Variants in MARCHF1 observed in about 807,000 individuals in gnomAD.
MARCHF1 encodes E3 ubiquitin-protein ligase MARCHF1.
Under a neutral mutation model 54.2 loss-of-function variants are expected in MARCHF1, and 40 were observed. The ratio of observed to expected loss-of-function variants is 0.74; its 90% CI spans 0.57 to 0.96. The LOEUF is 0.96. MARCHF1 is among the 40% of genes least tolerant of loss of function. The pLI is 0.00. For missense variants in MARCHF1, 586 were observed against 656.5 expected (o/e 0.89, Z 1.17); for synonymous variants, 236 against 236.3 (o/e 1.00, Z 0.01).
intron 1 of MARCHF1, among the ~76,000 whole-genome samples, chr4:164,350,900 G>C (rs1033761502): frequency 6.6e-6 from 1 of 152,060 alleles, no homozygotes; most frequent in South Asian, 2.1e-4. Flanking sequence ...AGGCGAGTGG[G>C]TGCGTGCACC....
At chr4:164,306,512 A>G (rs976509216) in intron 1 of MARCHF1, among the ~76,000 whole-genome samples, 1 of 152,134 alleles carries the variant, frequency 6.6e-6, no homozygotes, top group Non-Finnish European at 1.5e-5. Context: ...TCACTGCAGT[A>G]AAACGATTTG....
intron 5 of MARCHF1, among the ~76,000 whole-genome samples, chr4:163,683,040 A>G (rs1395270659): frequency 6.6e-6 from 1 of 152,206 alleles, no homozygotes; most frequent in African/African-American, 2.4e-5. Flanking sequence ...AAATAGAAGT[A>G]TAATATCTTG....
At chr4:164,325,753 C>A (rs1278800896) in intron 1 of MARCHF1, among the ~76,000 whole-genome samples, 1 of 151,700 alleles carries the variant, frequency 6.6e-6, no homozygotes, top group Non-Finnish European at 1.5e-5. Flanking sequence ...AAAAAGACCT[C>A]AGTGCTCAAG....
chr4:163,524,539 T>C (rs1393348309), downstream of MARCHF1: 3 of 152,188 alleles, frequency 2.0e-5, no homozygotes, highest in Non-Finnish European at 4.4e-5. Context: ...TTTATTTTCA[T>C]TGGTTTCCCT....
At chr4:164,150,549 G>T (rs1490968628) in intron 1 of MARCHF1, among the ~76,000 whole-genome samples, 1 of 152,090 alleles carries the variant, frequency 6.6e-6, no homozygotes, top group East Asian at 1.9e-4. Context: ...CCCTACTCTG[G>T]TGGTCTTGAG....
chr4:163,781,961 G>C (rs1338990469), intron 4 of MARCHF1, among the ~76,000 whole-genome samples: 1 of 152,092 alleles, frequency 6.6e-6, no homozygotes, highest in Non-Finnish European at 1.5e-5. Context: ...CATAGGTGAA[G>C]TCAGATAAGG....
intron 1 of MARCHF1, among the ~76,000 whole-genome samples, chr4:164,116,431 T>G (rs1443814202): frequency 6.6e-6 from 1 of 152,158 alleles, no homozygotes; most frequent in Non-Finnish European, 1.5e-5. Context: ...CATTTGCATG[T>G]ATTTATGTGC....
chr4:164,350,804 G>T (rs368653581), intron 1 of MARCHF1, among the ~76,000 whole-genome samples: 3 of 152,236 alleles, frequency 2.0e-5, no homozygotes, highest in South Asian at 2.1e-4. Context: ...AGCTCCCAGC[G>T]TGAGCGACGC....
intron 7 of MARCHF1, among the ~76,000 whole-genome samples, chr4:163,606,030 A>G (rs1404041493): frequency 1.3e-5 from 2 of 152,168 alleles, no homozygotes; most frequent in Non-Finnish European, 2.9e-5. Flanking sequence ...CGTTCTGCAC[A>G]TGCATCCCAG....
intron 4 of MARCHF1, among the ~76,000 whole-genome samples, chr4:163,716,978 A>T (rs1745280181): frequency 6.6e-6 from 1 of 152,126 alleles, no homozygotes; most frequent in African/African-American, 2.4e-5. Context: ...ATCTACACAT[A>T]CACATTTATT....
chr4:163,790,287 A>C lies in MARCHF1; in HGVS notation c.111+63734T>G, dbSNP rs566982272. On this transcript the variant is annotated intron_variant, in intron 4 of 9. Transcript: ENST00000514618. ...AGTCACGTAAGCCTTTTTTGTTGTT[A>C]TTTACGAAATCAAATGTCCTTAGCC... Among the ~76,000 whole-genome samples the C allele has an allele frequency of 9.2e-5, 14 of 152,130 alleles. No homozygotes were observed. In the South Asian group the frequency reaches 1.0e-3, roughly 11 times the overall value.
chr4:163,550,653 G>A (rs1164145151), intron 8 of MARCHF1, among the ~76,000 whole-genome samples: 2 of 152,104 alleles, frequency 1.3e-5, no homozygotes, highest in African/African-American at 2.4e-5. Flanking sequence ...TGCTGCAGAC[G>A]AGCGAAAATA....
chr4:163,954,076 G>A (rs1001268191), intron 3 of MARCHF1, among the ~76,000 whole-genome samples: 3 of 152,164 alleles, frequency 2.0e-5, no homozygotes, highest in African/African-American at 4.8e-5. Context: ...GTTGTGTACA[G>A]TAAGCTCAGA....
At chr4:164,188,728 C>A in intron 1 of MARCHF1, 1 of 1,037,900 alleles carries the variant, frequency 9.6e-7, no homozygotes, top group Non-Finnish European at 1.5e-6. Flanking sequence ...TCTTGCGGTT[C>A]AAGGTAGTTG....
At chr4:163,717,719 GT>G in intron 4 of MARCHF1, among the ~76,000 whole-genome samples, 1 of 152,262 alleles carries the variant, frequency 6.6e-6, no homozygotes, top group East Asian at 1.9e-4. Context: ...TCTCATTGTG[GT>G]TTTGATTTAC....
At chr4:163,589,591 G>A (rs779758062) in intron 7 of MARCHF1, among the ~76,000 whole-genome samples, 10 of 151,934 alleles carry the variant, frequency 6.6e-5, no homozygotes, top group African/African-American at 1.5e-4. Context: ...TAATGTGATC[G>A]TGCCATTAAA....
At chr4:163,843,635 A>G (rs1051566935) in intron 4 of MARCHF1, among the ~76,000 whole-genome samples, 2 of 151,970 alleles carry the variant, frequency 1.3e-5, no homozygotes, top group African/African-American at 4.8e-5. Context: ...CTATCAACCC[A>G]TCACTTAGGT....
chr4:163,825,409 T>C (rs117646623), intron 4 of MARCHF1, among the ~76,000 whole-genome samples: 4,058 of 152,148 alleles, frequency 0.027, 71 homozygotes, highest in East Asian at 0.073. Flanking sequence ...AACATACACA[T>C]GTATGTGGCT....
chr4:163,926,713 A>G (rs1041405884), intron 3 of MARCHF1, among the ~76,000 whole-genome samples: 1 of 151,664 alleles, frequency 6.6e-6, no homozygotes, highest in African/African-American at 2.4e-5. Flanking sequence ...TTTGAGATTT[A>G]GTTTGCATTT....
Sources: gnomAD v4.1 joint callset for allele counts (sites outside exome capture counted in the v4.1 genomes callset) on GRCh38, gnomAD v4.1.1 for gene constraint, MANE v1.5 for transcripts, NCBI Gene and HGNC (gene_info 2026-07-23, HGNC 2026-07-21) for gene names.